BIRC6: variants seen among roughly 807,000 people sequenced by gnomAD.
BIRC6 encodes the protein baculoviral IAP repeat containing 6, also known as dual E2 ubiquitin-conjugating enzyme/E3 ubiquitin-protein ligase BIRC6.
A neutral mutation model predicts 503.3 loss-of-function variants in BIRC6; 98 were observed. The ratio of observed to expected loss-of-function variants is 0.19; its 90% confidence interval spans 0.17 to 0.23. The LOEUF (loss-of-function observed/expected upper bound fraction) is 0.23. BIRC6 is among the 10% of genes least tolerant of loss of function. The pLI is 1.00. For missense variants in BIRC6, 5,360 were observed against 5,806.0 expected (o/e 0.92, Z 2.50); for synonymous variants, 2,240 against 2,078.7 (o/e 1.08, Z -2.11).
chr2:32,396,808 C>A (rs961110429), intron 6 of BIRC6, among the ~76,000 whole-genome samples: 1 of 152,142 alleles, frequency 6.6e-6, no homozygotes, highest in African/African-American at 2.4e-5. Context: ...ACTGCAACCT[C>A]TACCTCCCGG....
intron 71 of BIRC6, among the ~76,000 whole-genome samples, chr2:32,604,289 G>GA (rs1441749109): frequency 1.3e-5 from 2 of 152,050 alleles, no homozygotes; most frequent in African/African-American, 2.4e-5. Context: ...TTATAATACT[G>GA]AAAATCAGAT....
chr2:32,454,057 A>G, intron 23 of BIRC6, 115 bp downstream of exon 23: 1 of 922,300 alleles, frequency 1.1e-6, no homozygotes, highest in Non-Finnish European at 1.5e-6. Flanking sequence ...GTTAAGTGGA[A>G]ATTTATTTGT....
intron 71 of BIRC6, among the ~76,000 whole-genome samples, chr2:32,606,753 C>T (rs1162695792): frequency 6.6e-6 from 1 of 152,002 alleles, no homozygotes; most frequent in Non-Finnish European, 1.5e-5. Flanking sequence ...CGCCTGTAAT[C>T]CCAGCACTTT....
rs954040979 is a variant in BIRC6, at chr2:32,529,713, C to T, written c.11983C>T (p.Leu3995Phe). 1 of 1,613,548 alleles carries T rather than the reference C, an allele frequency of 6.2e-7. No homozygotes were observed. Among genetic ancestry groups the T allele is most frequent in the Non-Finnish European group, 8.5e-7 (1 of 1,179,700 alleles). ...TTTAACTCTCCTATATGACCGAAAA[C>T]TTCCTCAGGGTTACCGCTCAATAGA... is the stretch of plus-strand genomic sequence containing the variant. ...QLLTLLYDRKLPQGYRSIDLT... is the reference protein window; with the variant it reads ...QLLTLLYDRKFPQGYRSIDLT... The change falls in exon 60 of 74, where the codon CTT becomes TTT. Residue 3995 changes from leucine to phenylalanine, a missense_variant. This residue lies in a region of BIRC6 where 878 missense variants were observed against 928.9 expected (regional missense o/e 0.95). Transcript: ENST00000421745.
Position 32,481,437 on chromosome 2 carries a change from C to T in BIRC6, c.7526C>T (p.Ala2509Val), listed in dbSNP as rs1167379981. 11 of 1,610,994 alleles carry T rather than the reference C, an allele frequency of 6.8e-6. No individual in the cohort carries two copies. Among genetic ancestry groups the T allele is most frequent in the Middle Eastern group, 1.6e-4 (1 of 6,076 alleles). ...LDIDLEKDPL[A>V]AKVFKPISST... ...ATTGATTTGGAAAAGGACCCTCTTG[C>T]AGCCAAGGTTTTTAAGGTATGATAC... The change falls in exon 38 of 74, where the codon GCA becomes GTA. Residue 2509 changes from alanine (A) to valine (V), a missense_variant. Coordinates refer to ENST00000421745, the MANE Select transcript of BIRC6 (RefSeq NM_016252.4).
chr2:32,472,538 A>C lies in BIRC6; in HGVS notation c.6593-574A>C, dbSNP rs372252862. Among the ~76,000 whole-genome samples, 70 of 152,334 alleles carry C rather than the reference A, an allele frequency of 4.6e-4. No individual in the cohort carries two copies. In the Middle Eastern group the frequency reaches 0.014, roughly 30 times the overall value. ...GATTTGATAAGTAGGTAGGAAAGAG[A>C]GAAAAATGTTTTTAGGATTAGGAAA... is the stretch of plus-strand genomic sequence containing the variant. On this transcript the variant is annotated intron_variant, in intron 32 of 73. Coordinates refer to ENST00000421745, the MANE Select transcript of BIRC6 (RefSeq NM_016252.4).
intron 13 of BIRC6, among the ~76,000 whole-genome samples, 153 bp downstream of exon 13, chr2:32,433,957 C>G (rs2044410146): frequency 6.6e-6 from 1 of 152,150 alleles, no homozygotes; most frequent in Non-Finnish European, 1.5e-5. Context: ...AAAAGTAATT[C>G]AGAGAACATT....
Position 32,464,654 on chromosome 2 carries a change from C to T in BIRC6, c.5087C>T (p.Pro1696Leu), listed in dbSNP as rs1462419927. ...ATTCATCCATCTGATGTTATTCCAC[C>T]CACTCCAAAAACAACACCTCTTTTT... ...FFIHPSDVIP[P>L]TPKTTPLFMT... The change falls in exon 25 of 74, where the codon CCC (proline) becomes CTC (leucine). Residue 1696 changes from proline to leucine, a missense_variant. Pro to Leu is a moderately conservative substitution (Grantham distance 98, BLOSUM62 -3). Transcript: ENST00000421745. The T allele has an allele frequency of 1.2e-6, 2 of 1,613,834 alleles. No homozygotes were observed. Among genetic ancestry groups the T allele is most frequent in the Non-Finnish European group, 1.7e-6 (2 of 1,179,886 alleles).
intron 66 of BIRC6, among the ~76,000 whole-genome samples, chr2:32,581,501 G>A (rs1212574179): frequency 2.0e-5 from 3 of 151,846 alleles, no homozygotes; most frequent in Admixed American, 1.3e-4. Context: ...TTTCTACTTA[G>A]AATTTTTCTT....
At chr2:32,602,039 T>A (rs1041167560) in intron 70 of BIRC6, among the ~76,000 whole-genome samples, 1 of 152,202 alleles carries the variant, frequency 6.6e-6, no homozygotes, top group Non-Finnish European at 1.5e-5. Flanking sequence ...TTAAAAATAG[T>A]TATTTTAGTA....
intron 1 of BIRC6, among the ~76,000 whole-genome samples, chr2:32,358,952 GTCTT>G (rs776488631): frequency 5.9e-5 from 9 of 152,168 alleles, no homozygotes; most frequent in Non-Finnish European, 1.2e-4. Flanking sequence ...GTAATTGGAT[GTCTT>G]TCTTTTTAAA....
At chr2:32,380,114 A>G (rs1030696294) in intron 2 of BIRC6, 39 bp from the exon 3 acceptor site, 2 of 1,394,852 alleles carry the variant, frequency 1.4e-6, no homozygotes, top group African/African-American at 2.9e-5. Context: ...TCTTGTGTTG[A>G]ATTTTCTGTG....
chr2:32,567,993 T>G (rs1405089219), intron 65 of BIRC6, among the ~76,000 whole-genome samples: 1 of 152,108 alleles, frequency 6.6e-6, no homozygotes, highest in African/African-American at 2.4e-5. Context: ...GCACCTGTAC[T>G]CCCAGCTACT....
At chr2:32,516,509 C>CT (rs1448080499) in intron 55 of BIRC6, among the ~76,000 whole-genome samples, 5 of 137,102 alleles carry the variant, frequency 3.6e-5, no homozygotes, top group Non-Finnish European at 7.6e-5. Flanking sequence ...AAGCGAGACT[C>CT]TGTCTCAAAA....
At position 32,568,982 on chromosome 2, in the gene BIRC6, C is replaced by CTTTTTTT. The variant is rs199909930; in HGVS notation, c.13145-6173_13145-6172insTTTTTTT. Among the ~76,000 whole-genome samples, 5 of 131,356 alleles carry CTTTTTTT rather than the reference C, an allele frequency of 3.8e-5. 1 individual carries two copies. The highest frequency in any genetic ancestry group is 3.3e-5 in the Non-Finnish European group (2 of 61,292). 86.2% of individuals were successfully genotyped at this position (131,356 alleles called of 152,430 possible). ...TTTTGGAGGAGTCTCCCATGTCTCTCTCTTTTTTTTTTTTTTTTTGAGATG... is the reference window on the plus strand; with the variant it reads ...TTTTGGAGGAGTCTCCCATGTCTCTCTTTTTTTTCTTTTTTTTTTTTTTTTTGAGATG... On this transcript the variant is annotated intron_variant, in intron 65 of 73. Transcript: ENST00000421745.
At chr2:32,580,635 T>TTA (rs1255665731) in intron 66 of BIRC6, among the ~76,000 whole-genome samples, 3 of 152,136 alleles carry the variant, frequency 2.0e-5, no homozygotes, top group Non-Finnish European at 4.4e-5. Context: ...CAGGTTTGCA[T>TTA]TATAGAAAGA....
chr2:32,422,796 CACTTAT>C (rs1233621031), intron 10 of BIRC6, among the ~76,000 whole-genome samples: 2 of 152,136 alleles, frequency 1.3e-5, no homozygotes, highest in Admixed American at 1.3e-4. Context: ...ATTTAATTTT[CACTTAT>C]ACTTAGTACT....
rs181464408 is a variant in BIRC6 at position 32,504,539 on chromosome 2, C to T, written c.9500-466C>T. On this transcript the variant is annotated intron_variant, in intron 49 of 73. Transcript: ENST00000421745. ...AAAATTAGCTGGGCGTGGTTGCAGG[C>T]GCCTGTAGTCCCAGCTACTCGGGAG... Among the ~76,000 whole-genome samples, 727 of 151,894 alleles carry T rather than the reference C, an allele frequency of 4.8e-3. 8 individuals carry two copies. Among genetic ancestry groups the T allele is most frequent in the African/African-American group, 0.017 (698 of 41,436 alleles).
At chr2:32,476,176 G>T (rs1334374148) in intron 33 of BIRC6, 37 bp from the exon 34 acceptor site, 2 of 1,478,286 alleles carry the variant, frequency 1.4e-6, no homozygotes, top group Non-Finnish European at 1.8e-6. Context: ...TGTTTTTAAC[G>T]TTGTTAAAGA....
Sources: gnomAD v4.1 joint callset for allele counts (sites outside exome capture counted in the v4.1 genomes callset) on GRCh38, gnomAD v4.1.1 for gene constraint, gnomAD v4.1.1 regional missense constraint, MANE v1.5 for transcripts, NCBI Gene and HGNC (gene_info 2026-07-23, HGNC 2026-07-21) for gene names.